The following PLEK2 variants were observed in gnomAD, a reference collection of about 807,000 sequenced individuals.
PLEK2 encodes pleckstrin-2.
In PLEK2, 29 loss-of-function variants were observed where a neutral mutation model predicts 43.8. The ratio of observed to expected loss-of-function variants is 0.66; its 90% CI spans 0.49 to 0.90. The LOEUF (loss-of-function observed/expected upper bound fraction) is 0.90. Ranked by LOEUF, PLEK2 falls within the 40% of genes least tolerant of loss-of-function variation. PLEK2 has a pLI of 0.00. For synonymous variants in PLEK2, 162 were observed against 173.2 expected, an observed-to-expected ratio of 0.94 and a Z score of 0.51; for missense variants, 398 against 448.1, an observed-to-expected ratio of 0.89 and a Z score of 1.01.
intron 1 of PLEK2, among the ~76,000 whole-genome samples, chr14:67,410,261 A>C (rs1023556129): frequency 6.6e-6 from 1 of 152,092 alleles, no homozygotes; most frequent in African/African-American, 2.4e-5. Context: ...GAACAGGAGA[A>C]GGCCTCCAAA....
At chr14:67,402,884 G>A (rs2139882656) in intron 1 of PLEK2, among the ~76,000 whole-genome samples, 1 of 152,288 alleles carries the variant, frequency 6.6e-6, no homozygotes, top group African/African-American at 2.4e-5. Flanking sequence ...ACAGACATGG[G>A]TGTGCAGATA....
At chr14:67,407,327 T>C (rs2139897084) in intron 1 of PLEK2, among the ~76,000 whole-genome samples, 1 of 152,150 alleles carries the variant, frequency 6.6e-6, no homozygotes, top group African/African-American at 2.4e-5. Context: ...TTCACTATGT[T>C]GTCTAGGCTG....
At position 67,387,969 on chromosome 14, in the gene PLEK2, C is replaced by T. The variant is rs543553008; in HGVS notation, c.934+255G>A. ...GTAAGCCTCACCTATTATTTTTAGG[C>T]GGAAGCTTATGGGCCATCAGCACAG... On this transcript the variant is annotated intron_variant, in intron 8 of 8. Transcript: ENST00000216446. Among the ~76,000 whole-genome samples the T allele has an allele frequency of 2.1e-4, 32 of 152,192 alleles. 1 individual carries two copies. Among genetic ancestry groups the T allele is most frequent in the African/African-American group, 6.0e-4 (25 of 41,514 alleles).
chr14:67,388,988 A>G (rs61988181), intron 7 of PLEK2, among the ~76,000 whole-genome samples: 7,411 of 151,686 alleles, frequency 0.049, 256 homozygotes, highest in Middle Eastern at 0.13. Context: ...TATAGTAATC[A>G]TTTCTGCAAA....
chr14:67,403,922 C>T (rs1419467015), intron 1 of PLEK2, among the ~76,000 whole-genome samples: 1 of 152,078 alleles, frequency 6.6e-6, no homozygotes, highest in African/African-American at 2.4e-5. Context: ...TGTGGTGGCA[C>T]ACTCCTGTAG....
At chr14:67,389,764 G>T (rs2085953489) in intron 7 of PLEK2, among the ~76,000 whole-genome samples, 1 of 148,924 alleles carries the variant, frequency 6.7e-6, no homozygotes, top group African/African-American at 2.5e-5. Context: ...CAAAACTAAA[G>T]TGTTTTTTTT....
intron 7 of PLEK2, 41 bp from the exon 8 acceptor site, chr14:67,388,343 A>T (rs371331270): frequency 4.7e-6 from 6 of 1,265,634 alleles, no homozygotes; most frequent in Non-Finnish European, 7.0e-6. Context: ...TTGTGAATGA[A>T]CAAAAGGGAA....
At chr14:67,389,976 G>A (rs933986210) in intron 7 of PLEK2, among the ~76,000 whole-genome samples, 2 of 151,910 alleles carry the variant, frequency 1.3e-5, no homozygotes, top group African/African-American at 4.8e-5. Context: ...TCCAGGCAGG[G>A]GTTCCTGACT....
chr14:67,395,921 T>C (rs1566626331), intron 2 of PLEK2, among the ~76,000 whole-genome samples: 1 of 152,140 alleles, frequency 6.6e-6, no homozygotes, highest in Non-Finnish European at 1.5e-5. Context: ...GCCCAGGCTT[T>C]AAAATCAGTC....
Position 67,390,816 on chromosome 14 carries a change from G to A in PLEK2, c.772-70C>T, listed in dbSNP as rs2085961070. 1.1e-5 allele frequency: 12 copies of A among 1,089,490 alleles called. No homozygotes were observed. In the South Asian group the frequency reaches 1.2e-4, roughly 11 times the overall value. 67.5% of individuals were successfully genotyped at this position (1,089,490 alleles called of 1,614,324 possible). A position where few individuals can be genotyped will look rare whatever the true frequency, so the allele number is the denominator to read the frequency against. On this transcript the variant is annotated intron_variant, in intron 6 of 8. Coordinates refer to ENST00000216446, the MANE Select transcript of PLEK2 (RefSeq NM_016445.3). ...GTCCCTCTCTCCTGTATCTATGCATGTAATGCCAAACCCCCAACAAGCCAG... is the reference window on the plus strand; with the variant it reads ...GTCCCTCTCTCCTGTATCTATGCATATAATGCCAAACCCCCAACAAGCCAG...
chr14:67,408,295 TAAATA>T (rs571696195), intron 1 of PLEK2, among the ~76,000 whole-genome samples: 5,571 of 116,644 alleles, frequency 0.048, 219 homozygotes, highest in African/African-American at 0.11. Context: ...TCAAAATAAA[TAAATA>T]AAATAAAATA....
At chr14:67,399,672 G>C (rs1162711065) in intron 1 of PLEK2, among the ~76,000 whole-genome samples, 7 of 147,678 alleles carry the variant, frequency 4.7e-5, no homozygotes, top group African/African-American at 1.8e-4. Context: ...ATAAAGAGAA[G>C]GGTGGTTTAG....
intron 3 of PLEK2, 37 bp downstream of exon 3, chr14:67,395,365 A>T: frequency 6.3e-7 from 1 of 1,585,508 alleles, no homozygotes; most frequent in Non-Finnish European, 8.6e-7. Context: ...CACAGGCAGG[A>T]GAGGCTGCCA....
chr14:67,406,077 G>A (rs2086076293), intron 1 of PLEK2, among the ~76,000 whole-genome samples: 2 of 152,014 alleles, frequency 1.3e-5, no homozygotes, highest in South Asian at 4.2e-4. Flanking sequence ...TGGCCAAAAA[G>A]GTTAAACCCC....
At chr14:67,402,667 G>A (rs1160448400) in intron 1 of PLEK2, among the ~76,000 whole-genome samples, 1 of 152,164 alleles carries the variant, frequency 6.6e-6, no homozygotes, top group Admixed American at 6.6e-5. Context: ...GAATAAGTGA[G>A]AACATGTGAC....
intron 8 of PLEK2, 79 bp from the exon 9 acceptor site, chr14:67,387,535 C>T: frequency 7.0e-7 from 1 of 1,425,870 alleles, no homozygotes. Flanking sequence ...AGAAAGTCAA[C>T]TGAGACATGG....
intron 1 of PLEK2, among the ~76,000 whole-genome samples, chr14:67,408,251 A>T (rs866544049): frequency 1.1e-4 from 17 of 151,442 alleles, no homozygotes; most frequent in South Asian, 4.2e-4. Context: ...GCACCATTGC[A>T]CTCCAGCCTG....
chr14:67,404,141 G>T (rs2086064658), intron 1 of PLEK2, among the ~76,000 whole-genome samples: 1 of 152,104 alleles, frequency 6.6e-6, no homozygotes. Context: ...TGAAAAAAAT[G>T]AAAAATAATC....
chr14:67,401,586 C>G (rs2086049352), intron 1 of PLEK2, among the ~76,000 whole-genome samples: 1 of 152,114 alleles, frequency 6.6e-6, no homozygotes, highest in Non-Finnish European at 1.5e-5. Context: ...AAAGACCACT[C>G]AGGACACAGT....
Sources: allele counts gnomAD v4.1 joint callset (sites outside exome capture counted in the v4.1 genomes callset), GRCh38; gene constraint gnomAD v4.1.1; transcripts MANE v1.5; gene names NCBI Gene and HGNC (gene_info 2026-07-23, HGNC 2026-07-21).